Variants in AGBL4 observed in about 807,000 individuals in gnomAD.
AGBL4 encodes the protein cytosolic carboxypeptidase 6.
A neutral mutation model predicts 66.4 loss-of-function variants in AGBL4; 58 were observed. That is an observed-to-expected ratio of 0.87 (90% CI 0.71 to 1.09). The LOEUF (loss-of-function observed/expected upper bound fraction) is 1.09. AGBL4 is among the 50% of genes least tolerant of loss of function. AGBL4 has a pLI of 0.00. For synonymous variants in AGBL4, 234 were observed against 222.9 expected, an observed-to-expected ratio of 1.05 and a Z score of -0.44; for missense variants, 579 against 631.0, an observed-to-expected ratio of 0.92 and a Z score of 0.88.
rs71755942 is a variant in AGBL4 at position 49,359,245 on chromosome 1, CAAAGA to C, written c.283-113386_283-113382del. Among the ~76,000 whole-genome samples the C allele has an allele frequency of 8.0e-3, 1,217 of 152,176 alleles. 9 individuals carry two copies. Among genetic ancestry groups the C allele is most frequent in the Middle Eastern group, 0.031 (9 of 294 alleles). On this transcript the variant is annotated intron_variant, in intron 3 of 13. Transcript: ENST00000371839. ...CTACTGAATAGGATTTAGTAGAAAG[CAAAGA>C]AAACTGCATTGGAATAAAAAGATTA...
chr1:48,876,363 G>A (rs1440497883), intron 5 of AGBL4, among the ~76,000 whole-genome samples: 1 of 152,132 alleles, frequency 6.6e-6, no homozygotes, highest in Non-Finnish European at 1.5e-5. Context: ...TGGGGGTTGT[G>A]CTAGAGGATT....
At chr1:49,911,126 G>A (rs1650782512) in intron 1 of AGBL4, among the ~76,000 whole-genome samples, 1 of 152,194 alleles carries the variant, frequency 6.6e-6, no homozygotes, top group Admixed American at 6.5e-5. Context: ...GAGTTCCAGA[G>A]GACATAGTAG....
At chr1:49,201,160 C>T (rs1331142563) in intron 4 of AGBL4, among the ~76,000 whole-genome samples, 1 of 152,152 alleles carries the variant, frequency 6.6e-6, no homozygotes, top group Admixed American at 6.5e-5. Flanking sequence ...TCCACCATCT[C>T]CATTCTCACT....
At chr1:49,676,987 C>G (rs1646592356) in intron 3 of AGBL4, among the ~76,000 whole-genome samples, 1 of 152,060 alleles carries the variant, frequency 6.6e-6, no homozygotes, top group African/African-American at 2.4e-5. Context: ...CTGTGTCTTT[C>G]ACTATTCCAT....
intron 4 of AGBL4, among the ~76,000 whole-genome samples, chr1:49,104,304 T>A (rs917159754): frequency 6.6e-6 from 1 of 152,232 alleles, no homozygotes; most frequent in African/African-American, 2.4e-5. Context: ...TAGTAATGTA[T>A]GTGAATCCCA....
intron 6 of AGBL4, among the ~76,000 whole-genome samples, chr1:48,791,018 C>T (rs994445088): frequency 3.9e-5 from 6 of 152,182 alleles, no homozygotes; most frequent in Non-Finnish European, 8.8e-5. Context: ...CCAGATGTAG[C>T]CCCTTAACTT....
chr1:49,167,940 CAAT>C (rs1379202060), intron 4 of AGBL4, among the ~76,000 whole-genome samples: 1 of 152,028 alleles, frequency 6.6e-6, no homozygotes, highest in Non-Finnish European at 1.5e-5. Context: ...AACAATACAA[CAAT>C]AATATAATTC....
intron 2 of AGBL4, among the ~76,000 whole-genome samples, chr1:49,765,876 A>G (rs954644687): frequency 1.3e-5 from 2 of 152,134 alleles, no homozygotes; most frequent in African/African-American, 4.8e-5. Flanking sequence ...AAACCAACCC[A>G]GAGAAAAATA....
At chr1:49,152,865 C>T (rs1012344817) in intron 4 of AGBL4, among the ~76,000 whole-genome samples, 8 of 152,210 alleles carry the variant, frequency 5.3e-5, no homozygotes, top group African/African-American at 1.2e-4. Context: ...GAAATAAATA[C>T]GGTCTTTACT....
intron 4 of AGBL4, among the ~76,000 whole-genome samples, chr1:49,210,334 CA>C (rs566507701): frequency 2.0e-5 from 3 of 152,044 alleles, no homozygotes; most frequent in Non-Finnish European, 4.4e-5. Flanking sequence ...AGGATTTGAT[CA>C]CAAGACTGAC....
chr1:49,791,122 T>C (rs569098331), intron 2 of AGBL4, among the ~76,000 whole-genome samples: 26 of 152,104 alleles, frequency 1.7e-4, no homozygotes, highest in African/African-American at 5.3e-4. Context: ...ATATAAGAAG[T>C]GTGAAATGTA....
rs1647165387 is a variant in AGBL4, at chr1:49,193,613, C to T, written c.377+52157G>A. 2.6e-5 allele frequency among the ~76,000 whole-genome samples: 4 copies of T among 151,726 alleles called. No homozygotes were observed. In the South Asian group the frequency reaches 6.2e-4, roughly 24 times the overall value. The stretch of plus-strand genomic sequence containing the variant: ...CGTTATCTCTGCTCACTGCAAGCTC[C>T]GCCTCTGGGGTTCATGCCATTCTCT... On this transcript the variant is annotated intron_variant, in intron 4 of 13. Coordinates refer to ENST00000371839, the MANE Select transcript of AGBL4 (RefSeq NM_032785.4).
chr1:48,899,086 C>A (rs1287011137), intron 5 of AGBL4, among the ~76,000 whole-genome samples: 3 of 152,208 alleles, frequency 2.0e-5, no homozygotes, highest in Non-Finnish European at 4.4e-5. Flanking sequence ...TCGGCTCAGC[C>A]TCCCTGCAGG....
chr1:49,398,899 A>C (rs1001958641), intron 3 of AGBL4, among the ~76,000 whole-genome samples: 3 of 151,998 alleles, frequency 2.0e-5, no homozygotes, highest in African/African-American at 7.3e-5. Flanking sequence ...ATTATTTCTG[A>C]CTATAGTCAG....
chr1:49,125,023 G>A (rs897400523), intron 4 of AGBL4, among the ~76,000 whole-genome samples: 32 of 152,070 alleles, frequency 2.1e-4, no homozygotes, highest in Admixed American at 6.6e-5. Flanking sequence ...AGTGTTGACA[G>A]ATTTGAAAGG....
At chr1:49,846,125 C>T in intron 2 of AGBL4, 2 of 1,486,252 alleles carry the variant, frequency 1.3e-6, no homozygotes, top group Non-Finnish European at 1.9e-6. Context: ...TCTCATCAAA[C>T]ACCAGAGGAT....
At chr1:49,523,681 T>C (rs902163097) in intron 3 of AGBL4, among the ~76,000 whole-genome samples, 6 of 152,054 alleles carry the variant, frequency 3.9e-5, no homozygotes, top group Non-Finnish European at 7.4e-5. Context: ...TGATGTCAAC[T>C]CAAATTAATA....
intron 2 of AGBL4, among the ~76,000 whole-genome samples, chr1:49,759,944 A>G (rs1403238275): frequency 6.6e-6 from 1 of 152,210 alleles, no homozygotes; most frequent in Non-Finnish European, 1.5e-5. Flanking sequence ...GTGATTGCCA[A>G]AGGCTGGGGT....
intron 2 of AGBL4, among the ~76,000 whole-genome samples, chr1:49,840,928 A>G (rs1481202585): frequency 6.6e-6 from 1 of 152,204 alleles, no homozygotes; most frequent in Non-Finnish European, 1.5e-5. Context: ...AAGCATTCAC[A>G]TTAAGAAATG....
Sources: gnomAD v4.1 joint callset for allele counts (sites outside exome capture counted in the v4.1 genomes callset) on GRCh38, gnomAD v4.1.1 for gene constraint, MANE v1.5 for transcripts, NCBI Gene and HGNC (gene_info 2026-07-23, HGNC 2026-07-21) for gene names.